DLC1: variants seen among roughly 807,000 people sequenced by gnomAD.
DLC1 encodes rho GTPase-activating protein 7.
Under a neutral mutation model 140.3 loss-of-function variants are expected in DLC1, and 54 were observed. That is an observed-to-expected ratio of 0.38 (90% CI 0.31 to 0.48). The LOEUF is 0.48. Ranked by LOEUF, DLC1 falls within the 20% of genes least tolerant of loss-of-function variation. DLC1 has a pLI of 0.96. For synonymous variants in DLC1, 986 were observed against 728.1 expected (o/e 1.35, Z -5.70); for missense variants, 2,536 against 1,907.0 (o/e 1.33, Z -6.14).
In DLC1 at chr8:13,343,490, G is replaced by A. The variant is rs540714414; in HGVS notation, c.1315-38188C>T. The stretch of plus-strand genomic sequence containing the variant: ...AAAAGTTACAAGATGGGGAAGAAAT[G>A]TATTGATTGTCTACTCTGCACAAGA... On this transcript the variant is annotated intron_variant, in intron 4 of 17. Transcript: ENST00000276297. 3.3e-5 allele frequency among the ~76,000 whole-genome samples: 5 copies of A among 152,298 alleles called. No homozygotes were observed. In the South Asian group the frequency reaches 6.2e-4, roughly 19 times the overall value.
intron 5 of DLC1, among the ~76,000 whole-genome samples, chr8:13,135,168 A>G (rs1822466900): frequency 1.3e-5 from 2 of 151,552 alleles, no homozygotes; most frequent in African/African-American, 4.9e-5. Flanking sequence ...TGACTATGTT[A>G]AGGAAAGTCC....
intron 1 of DLC1, among the ~76,000 whole-genome samples, chr8:13,571,710 T>C (rs1804658244): frequency 6.6e-6 from 1 of 152,218 alleles, no homozygotes; most frequent in African/African-American, 2.4e-5. Context: ...TTCGATTCTT[T>C]TGGGTCCATA....
rs950156380 is a variant in DLC1, at chr8:13,480,605, G to A, written c.1023+18444C>T. Among the ~76,000 whole-genome samples, 7 of 152,210 alleles carry A rather than the reference G, an allele frequency of 4.6e-5. No individual in the cohort carries two copies. The South Asian group carries it at 6.2e-4, about 14-fold the overall frequency. On this transcript the variant is annotated intron_variant, in intron 2 of 17. Transcript: ENST00000276297. Reference sequence around the variant, plus strand: ...TAGATAGAATACATATGCTAAAATCGTAAAAATGCAAAATTCATACAACCA... The same window carrying A: ...TAGATAGAATACATATGCTAAAATCATAAAAATGCAAAATTCATACAACCA...
intron 2 of DLC1, among the ~76,000 whole-genome samples, chr8:13,415,453 G>C (rs1838011321): frequency 6.7e-6 from 1 of 149,334 alleles, no homozygotes; most frequent in Admixed American, 6.7e-5. Flanking sequence ...AGGCTGGAGT[G>C]TAGTAGCGCG....
At chr8:13,409,714 T>C (rs974398295) in intron 2 of DLC1, among the ~76,000 whole-genome samples, 2 of 152,204 alleles carry the variant, frequency 1.3e-5, no homozygotes, top group African/African-American at 4.8e-5. Context: ...GAGGGGTCTC[T>C]CAAAGGCTTG....
At chr8:13,246,404 T>A (rs1465044109) in intron 5 of DLC1, among the ~76,000 whole-genome samples, 1 of 152,212 alleles carries the variant, frequency 6.6e-6, no homozygotes, top group Non-Finnish European at 1.5e-5. Flanking sequence ...GATGATACTA[T>A]TAGTGTAGTG....
At chr8:13,414,338 A>G (rs1394469938) in intron 2 of DLC1, among the ~76,000 whole-genome samples, 2 of 152,204 alleles carry the variant, frequency 1.3e-5, no homozygotes, top group African/African-American at 4.8e-5. Context: ...TTATGTGTAT[A>G]GACAATTTAT....
At chr8:13,338,726 C>A (rs1334579126) in intron 4 of DLC1, 1 of 152,108 alleles carries the variant, frequency 6.6e-6, no homozygotes, top group East Asian at 1.9e-4. Context: ...TCCCAAAAAC[C>A]AGTGGTTCCA....
intron 5 of DLC1, among the ~76,000 whole-genome samples, chr8:13,287,643 A>T (rs894942690): frequency 6.6e-6 from 1 of 152,190 alleles, no homozygotes; most frequent in Non-Finnish European, 1.5e-5. Context: ...TAACATTTCA[A>T]TTGGAAATTG....
At chr8:13,206,501 G>C (rs1827670322) in intron 5 of DLC1, among the ~76,000 whole-genome samples, 2 of 152,074 alleles carry the variant, frequency 1.3e-5, no homozygotes, top group African/African-American at 4.8e-5. Context: ...CTAAAGGGAA[G>C]AAAGACCAAT....
At chr8:13,092,465 T>G (rs1818153318) in intron 13 of DLC1, 147 bp downstream of exon 13, 1 of 839,742 alleles carries the variant, frequency 1.2e-6, no homozygotes. Context: ...AGGTATGTCT[T>G]TATTAGCGGT....
At chr8:13,152,058 C>A (rs1823859935) in intron 5 of DLC1, among the ~76,000 whole-genome samples, 1 of 152,102 alleles carries the variant, frequency 6.6e-6, no homozygotes, top group Non-Finnish European at 1.5e-5. Context: ...ATTAATTGGA[C>A]AGTATGAACT....
intron 1 of DLC1, among the ~76,000 whole-genome samples, chr8:13,573,099 C>G (rs1446757498): frequency 6.6e-6 from 1 of 152,162 alleles, no homozygotes; most frequent in Admixed American, 6.5e-5. Context: ...CATTCCAATT[C>G]ACGCACATTG....
At chr8:13,342,067 AT>A (rs1204467266) in intron 4 of DLC1, 1 of 152,258 alleles carries the variant, frequency 6.6e-6, no homozygotes, top group East Asian at 1.9e-4. Flanking sequence ...GTTTATATGC[AT>A]TCATTCTGTG....
At chr8:13,570,423 C>T (rs891855678) in intron 1 of DLC1, among the ~76,000 whole-genome samples, 1 of 146,182 alleles carries the variant, frequency 6.8e-6, no homozygotes, top group African/African-American at 2.5e-5. Context: ...TTAGGTATAT[C>T]TCCCAATGCT....
At chr8:13,401,282 C>G (rs770280442) in intron 3 of DLC1, among the ~76,000 whole-genome samples, 188 bp downstream of exon 3, 4 of 152,154 alleles carry the variant, frequency 2.6e-5, no homozygotes, top group Non-Finnish European at 4.4e-5. Flanking sequence ...TCTGTGGCCT[C>G]TCTGCATAGA....
chr8:13,208,632 G>C (rs1827785914), intron 5 of DLC1, among the ~76,000 whole-genome samples: 1 of 151,896 alleles, frequency 6.6e-6, no homozygotes, highest in Admixed American at 6.6e-5. Context: ...TTCAGATCAA[G>C]TATGAGTCAT....
chr8:13,241,865 G>C (rs997992450), intron 5 of DLC1, among the ~76,000 whole-genome samples: 11 of 152,038 alleles, frequency 7.2e-5, no homozygotes, highest in African/African-American at 2.7e-4. Context: ...TCTCTTAGCA[G>C]CTTGCCTTGT....
chr8:13,505,750 C>A (rs376744274), intron 1 of DLC1, among the ~76,000 whole-genome samples: 4 of 152,142 alleles, frequency 2.6e-5, no homozygotes, highest in Non-Finnish European at 5.9e-5. Flanking sequence ...TAGGTCAGTT[C>A]TTTCAGTTTC....
Sources: gnomAD v4.1 joint callset for allele counts (sites outside exome capture counted in the v4.1 genomes callset) on GRCh38, gnomAD v4.1.1 for gene constraint, MANE v1.5 for transcripts, NCBI Gene and HGNC (gene_info 2026-07-23, HGNC 2026-07-21) for gene names.